BRIP1: variants seen among roughly 807,000 people sequenced by gnomAD.
The protein encoded by BRIP1 is Fanconi anemia group J protein.
In BRIP1, 88 loss-of-function variants were observed where a neutral mutation model predicts 119.7. That is an observed-to-expected ratio of 0.74 (90% CI 0.62 to 0.88). BRIP1 has a LOEUF of 0.88. BRIP1 is among the 40% of genes least tolerant of loss of function. The probability of loss-of-function intolerance (pLI) is 0.00; values close to 1 mark genes in which losing one functional copy is unlikely to be tolerated. For synonymous variants in BRIP1, 443 were observed against 496.5 expected, an observed-to-expected ratio of 0.89 and a Z score of 1.43; for missense variants, 1,259 against 1,455.4, an observed-to-expected ratio of 0.87 and a Z score of 2.20.
In BRIP1 at chr17:61,707,055, G is replaced by A. The variant is rs544065381; in HGVS notation, c.2492+8896C>T. 1.4e-4 allele frequency among the ~76,000 whole-genome samples: 22 copies of A among 151,828 alleles called. No homozygotes were observed. In the South Asian group the frequency reaches 1.9e-3, roughly 13 times the overall value. On this transcript the variant is annotated intron_variant, in intron 17 of 19. Coordinates refer to ENST00000259008, the MANE Select transcript of BRIP1 (RefSeq NM_032043.3). ...AATTTTTTTTTTTTATTTTGATGGA[G>A]CACATCTTCCAGTAACATCCTGAGA...
At chr17:61,849,500 TG>T (rs952577912) in intron 4 of BRIP1, among the ~76,000 whole-genome samples, 1 of 152,206 alleles carries the variant, frequency 6.6e-6, no homozygotes, top group African/African-American at 2.4e-5. Context: ...CTTATGTACT[TG>T]TAGACTACTC....
chr17:61,698,544 G>A (rs1173453720), intron 17 of BRIP1, among the ~76,000 whole-genome samples: 1 of 152,016 alleles, frequency 6.6e-6, no homozygotes, highest in Non-Finnish European at 1.5e-5. Flanking sequence ...TTTATTTTCT[G>A]TTGATTTTCC....
intron 6 of BRIP1, among the ~76,000 whole-genome samples, chr17:61,833,947 G>A (rs546491506): frequency 6.6e-6 from 1 of 152,272 alleles, no homozygotes; most frequent in South Asian, 2.1e-4. Context: ...TTTAGGTTTT[G>A]TGAGCCATAT....
intron 10 of BRIP1, among the ~76,000 whole-genome samples, chr17:61,787,692 T>C (rs1352380355): frequency 1.3e-5 from 2 of 152,082 alleles, no homozygotes; most frequent in Non-Finnish European, 2.9e-5. Context: ...TCGCCCAGGC[T>C]GGACTGCAGT....
rs138628957 is a variant in BRIP1, at chr17:61,706,716, T to C, written c.2492+9235A>G. On this transcript the variant is annotated intron_variant, in intron 17 of 19. Coordinates refer to ENST00000259008, the MANE Select transcript of BRIP1 (RefSeq NM_032043.3). The surrounding 1 kb of genome is among the most constrained non-coding windows in gnomAD (Gnocchi z 5.7). ...ATCCCTTCCTGGGAATATTAACAAC[T>C]GAGTCACATAGTGCACTATAATTAG... Among the ~76,000 whole-genome samples the C allele has an allele frequency of 0.019, 2,821 of 152,308 alleles. 41 individuals carry two copies. Among genetic ancestry groups the C allele is most frequent in the Non-Finnish European group, 0.026 (1,776 of 68,004 alleles).
chr17:61,833,416 T>C (rs974970239), intron 6 of BRIP1, among the ~76,000 whole-genome samples: 1 of 152,192 alleles, frequency 6.6e-6, no homozygotes, highest in African/African-American at 2.4e-5. Context: ...ACTCCTGTAA[T>C]CCCAGCACTT....
rs1555601076 is a variant in BRIP1 at position 61,776,471 on chromosome 17, A to T, written c.2027T>A (p.Val676Glu). The T allele has an allele frequency of 6.2e-7, 1 of 1,614,172 alleles. No homozygotes were observed. Among genetic ancestry groups the T allele is most frequent in the Non-Finnish European group, 8.5e-7 (1 of 1,180,018 alleles). The stretch of plus-strand genomic sequence containing the variant: ...GCACACAGATAACAAAAGTGCTCCC[A>T]CTTCATCTTGGAACTCAAATGTTTC... ...NTETFEFQDE[V>E]GALLLSVCQT... The change falls in exon 14 of 20, where the codon GTG (valine) becomes GAG (glutamate). Residue 676 changes from valine (V) to glutamate (E), a missense_variant. Coordinates refer to ENST00000259008, the MANE Select transcript of BRIP1 (RefSeq NM_032043.3). This position sits in a 1 kb window ranked among gnomAD's most constrained non-coding sequence, Gnocchi z 5.0.
intron 17 of BRIP1, among the ~76,000 whole-genome samples, chr17:61,697,128 G>C (rs746569517): frequency 6.6e-6 from 1 of 151,046 alleles, no homozygotes; most frequent in Non-Finnish European, 1.5e-5. Flanking sequence ...GGTGGATCAC[G>C]AGGTCAGGAG....
chr17:61,766,598 A>G (rs2077377678), intron 14 of BRIP1, among the ~76,000 whole-genome samples: 1 of 152,208 alleles, frequency 6.6e-6, no homozygotes. Context: ...ACAAACTAGT[A>G]GCACTGCAAA....
chr17:61,833,778 G>A (rs2078529283), intron 6 of BRIP1, among the ~76,000 whole-genome samples: 1 of 151,866 alleles, frequency 6.6e-6, no homozygotes, highest in African/African-American at 2.4e-5. Context: ...CAAGGCAAGA[G>A]ATTCACACTA....
At chr17:61,733,359 AT>A (rs1205520967) in intron 16 of BRIP1, among the ~76,000 whole-genome samples, 3 of 151,760 alleles carry the variant, frequency 2.0e-5, no homozygotes, top group Non-Finnish European at 2.9e-5. Flanking sequence ...CTCAAAAAAA[AT>A]TTTTTTTTAA....
chr17:61,706,187 G>T lies in BRIP1; in HGVS notation c.2492+9764C>A, dbSNP rs2061687612. ...TTCTCTTTTATCCCTAATTTTGTTT[G>T]CTTGGAATTCTACTTTATCTGGTAT... On this transcript the variant is annotated intron_variant, in intron 17 of 19. Transcript: ENST00000259008. The surrounding 1 kb of genome is among the most constrained non-coding windows in gnomAD (Gnocchi z 5.7). Among the ~76,000 whole-genome samples the T allele has an allele frequency of 6.6e-6, 1 of 151,824 alleles. No individual in the cohort carries two copies. The highest frequency in any genetic ancestry group is 1.5e-5 in the Non-Finnish European group (1 of 67,912).
In BRIP1 at chr17:61,801,348, C is replaced by T. The variant is rs149364097; in HGVS notation, c.1045G>A (p.Ala349Thr). Residue 349 changes from alanine (A) to threonine (T), a missense_variant, in exon 8 of 20, where the codon GCC (alanine) becomes ACC (threonine). This residue lies in a region of BRIP1 where 501 missense variants were observed against 544.0 expected (regional missense o/e 0.92). Transcript: ENST00000259008. The part of the protein sequence containing the change: ...ELVSLGKKLK[A>T]CPYYTARELI... ...TCTCGGGCTGTGTAATATGGACAGG[C>T]CTTTAGTTTCTTCCCCAGGCTGACA... is the stretch of plus-strand genomic sequence containing the variant. 3 of 1,613,928 alleles carry T rather than the reference C, an allele frequency of 1.9e-6. No individual in the cohort carries two copies. Among genetic ancestry groups the T allele is most frequent in the Middle Eastern group, 1.7e-4 (1 of 6,060 alleles).
chr17:61,822,481 C>T lies in BRIP1; in HGVS notation c.628-13724G>A, dbSNP rs1002547378. 6.6e-6 allele frequency among the ~76,000 whole-genome samples: 1 copy of T among 151,886 alleles called. No homozygotes were observed. Among genetic ancestry groups the T allele is most frequent in the Non-Finnish European group, 1.5e-5 (1 of 67,986 alleles). ...CTGGGAAAAATGCACCAAAAAGCGC[C>T]AAGGAAGAAAGGGAACTGGACAGAC... On this transcript the variant is annotated intron_variant, in intron 6 of 19. Transcript: ENST00000259008. This position sits in a 1 kb window ranked among gnomAD's most constrained non-coding sequence, Gnocchi z 4.4.
chr17:61,705,549 C>A lies in BRIP1; in HGVS notation c.2492+10402G>T, dbSNP rs1210523566. On this transcript the variant is annotated intron_variant, in intron 17 of 19. Transcript: ENST00000259008. The surrounding 1 kb of genome is among the most constrained non-coding windows in gnomAD (Gnocchi z 5.0). ...TGATTTCATTATTTTTGTTACAATT[C>A]ATCAATTTATACTTGTTTTTATTAC... 6.6e-6 allele frequency among the ~76,000 whole-genome samples: 1 copy of A among 152,108 alleles called. No individual in the cohort carries two copies. The highest frequency in any genetic ancestry group is 1.5e-5 in the Non-Finnish European group (1 of 68,006).
In BRIP1 at chr17:61,700,165, C is replaced by G. The variant is rs116697636; in HGVS notation, c.2493-6653G>C. ...GTCTTGGCAACCCACAAGACAATCA[C>G]CACAGATTTACAATTATTGTTTTAT... On this transcript the variant is annotated intron_variant, in intron 17 of 19. Coordinates refer to ENST00000259008, the MANE Select transcript of BRIP1 (RefSeq NM_032043.3). This position sits in a 1 kb window ranked among gnomAD's most constrained non-coding sequence, Gnocchi z 4.1. Among the ~76,000 whole-genome samples, 654 of 152,212 alleles carry G rather than the reference C, an allele frequency of 4.3e-3. 3 individuals carry two copies. Among genetic ancestry groups the G allele is most frequent in the African/African-American group, 0.015 (616 of 41,546 alleles).
chr17:61,772,504 T>C (rs2077470609), intron 14 of BRIP1, among the ~76,000 whole-genome samples: 1 of 152,066 alleles, frequency 6.6e-6, no homozygotes, highest in South Asian at 2.1e-4. Context: ...ACATTGTGAA[T>C]GTACTTAATT....
chr17:61,772,182 TATATATATATATATATATATATATATAA>T (rs1419034567), intron 14 of BRIP1, among the ~76,000 whole-genome samples: 7 of 80,174 alleles, frequency 8.7e-5, no homozygotes, highest in East Asian at 8.4e-4. Context: ...TATATATATA[TATATATATATATATATATATATATATAA>T]AATGAAATAT....
chr17:61,784,470 T>C (rs1369167004), intron 10 of BRIP1, 46 bp from the exon 11 acceptor site: 1 of 1,544,314 alleles, frequency 6.5e-7, no homozygotes, highest in Non-Finnish European at 8.9e-7. Flanking sequence ...GGGAGGGAAT[T>C]GGAAAAAGAA....
Sources: allele counts gnomAD v4.1 joint callset (sites outside exome capture counted in the v4.1 genomes callset), GRCh38; gene constraint gnomAD v4.1.1; regional missense constraint gnomAD v4.1.1; non-coding constraint Gnocchi (gnomAD v3.1); transcripts MANE v1.5; gene names NCBI Gene and HGNC (gene_info 2026-07-23, HGNC 2026-07-21).